Variants in PCLO observed in about 807,000 individuals in gnomAD.
The protein encoded by PCLO is protein piccolo.
PCLO carries 82 observed loss-of-function variants against 427.5 expected under a neutral mutation model. The observed-to-expected ratio is 0.19, with a 90% CI of 0.16 to 0.23. The LOEUF (loss-of-function observed/expected upper bound fraction) is 0.23. PCLO is among the 10% of genes least tolerant of loss of function. The pLI, the probability that PCLO is intolerant of heterozygous loss-of-function variation, is 1.00. For synonymous variants in PCLO, 2,357 were observed against 2,155.4 expected (o/e 1.09, Z -2.59); for missense variants, 6,239 against 6,115.9 (o/e 1.02, Z -0.67).
chr7:82,952,268 C>A lies in PCLO; in HGVS notation c.8685G>T (p.Gly2895=). 1 of 1,613,914 alleles carries A rather than the reference C, an allele frequency of 6.2e-7. No homozygotes were observed. The highest frequency in any genetic ancestry group is 1.7e-5 in the Admixed American group (1 of 60,014). Residue 2895 remains glycine (G), a synonymous_variant, in exon 5 of 25, where the codon GGG becomes GGT. Coordinates refer to ENST00000333891, the MANE Select transcript of PCLO (RefSeq NM_033026.6). ...TGGTTGTACTGAGATCCACTACTTC[C>A]CCATCAGTGATTCCCTGGGATACGG... ...DSTVSQGITD[G]EVVDLSTTKS... is the part of the protein sequence containing the mutation.
intron 3 of PCLO, among the ~76,000 whole-genome samples, chr7:83,064,795 A>C (rs10226405): frequency 0.78 from 117,810 of 151,744 alleles, 46,601 homozygotes; most frequent in African/African-American, 0.92. Flanking sequence ...CTTAGAACAT[A>C]GTGGACATTC....
chr7:83,112,634 T>C (rs1336892626), intron 3 of PCLO, among the ~76,000 whole-genome samples: 1 of 152,208 alleles, frequency 6.6e-6, no homozygotes, highest in African/African-American at 2.4e-5. Context: ...TTCCAAAGTA[T>C]ACTCATTTTA....
rs542857903 is a variant in PCLO at position 82,965,513 on chromosome 7, T to A, written c.4017+258A>T. Among the ~76,000 whole-genome samples the A allele has an allele frequency of 4.9e-4, 74 of 152,216 alleles. 2 individuals carry two copies. Among genetic ancestry groups the A allele is most frequent in the African/African-American group, 1.7e-3 (70 of 41,554 alleles). ...TAGATAACTTCTTTATCACTCCATA[T>A]GATTTTGATAGATTATTTGATAGGC... On this transcript the variant is annotated intron_variant, in intron 4 of 24. Coordinates refer to ENST00000333891, the MANE Select transcript of PCLO (RefSeq NM_033026.6).
chr7:83,012,623 A>T (rs1364675458), intron 3 of PCLO, among the ~76,000 whole-genome samples: 24 of 4,956 alleles, frequency 4.8e-3, no homozygotes, highest in East Asian at 0.12. Context: ...GTCTCAAGGA[A>T]AAAAAAAAAA....
intron 3 of PCLO, among the ~76,000 whole-genome samples, chr7:83,079,578 G>A (rs1321494760): frequency 6.6e-6 from 1 of 152,014 alleles, no homozygotes; most frequent in Non-Finnish European, 1.5e-5. Context: ...GCCTCATCCT[G>A]GGAAATTAAC....
chr7:83,115,978 ACACACACG>A (rs934296991), intron 3 of PCLO, among the ~76,000 whole-genome samples: 1 of 151,984 alleles, frequency 6.6e-6, no homozygotes, highest in African/African-American at 2.4e-5. Context: ...ATGCACACAC[ACACACACG>A]CACACATATA....
rs535270914 is a variant in PCLO, at chr7:83,090,500, A to G, written c.3300+43750T>C. 1.1e-4 allele frequency among the ~76,000 whole-genome samples: 16 copies of G among 152,288 alleles called. No homozygotes were observed. In the East Asian group the frequency reaches 3.1e-3, roughly 30 times the overall value. On this transcript the variant is annotated intron_variant, in intron 3 of 24. Coordinates refer to ENST00000333891, the MANE Select transcript of PCLO (RefSeq NM_033026.6). ...CACAAAGCATAATATACTCCAAATC[A>G]GGAGTCCTAAATAATCTGACTCCTT...
rs147641527 is a variant in PCLO at position 83,044,231 on chromosome 7, A to G, written c.3301-77744T>C. On this transcript the variant is annotated intron_variant, in intron 3 of 24. Coordinates refer to ENST00000333891, the MANE Select transcript of PCLO (RefSeq NM_033026.6). Reference sequence around the variant, plus strand: ...AGAACAACATGGGGGAACCGCCCCCATGATCCAATCACCTCCGTCCAGGTC... The same window carrying G: ...AGAACAACATGGGGGAACCGCCCCCGTGATCCAATCACCTCCGTCCAGGTC... Among the ~76,000 whole-genome samples the G allele has an allele frequency of 4.5e-3, 689 of 152,242 alleles. 2 individuals carry two copies. The highest frequency in any genetic ancestry group is 0.015 in the African/African-American group (626 of 41,552).
rs117544884 is a variant in PCLO at position 82,847,409 on chromosome 7, G to C, written c.13655-162C>G. Among the ~76,000 whole-genome samples the C allele has an allele frequency of 8.5e-4, 129 of 152,200 alleles. 1 individual carries two copies. In the East Asian group the frequency reaches 0.01, roughly 12 times the overall value. On this transcript the variant is annotated intron_variant, in intron 10 of 24. Coordinates refer to ENST00000333891, the MANE Select transcript of PCLO (RefSeq NM_033026.6). ...GCAACATTAATACCAAAACCATTAT[G>C]TAGTTTGATCTCATTAACTTACCTG...
At chr7:83,038,015 A>C (rs189808950) in intron 3 of PCLO, among the ~76,000 whole-genome samples, 2 of 47,916 alleles carry the variant, frequency 4.2e-5, no homozygotes, top group African/African-American at 1.5e-4. Context: ...ATATATATAT[A>C]TATATATATA....
intron 3 of PCLO, among the ~76,000 whole-genome samples, chr7:83,026,553 G>A (rs1467544832): frequency 2.0e-5 from 3 of 151,118 alleles, no homozygotes; most frequent in East Asian, 2.0e-4. Flanking sequence ...CAACGAGACA[G>A]AAAGTCAACA....
At chr7:83,031,755 TCTCACACACACACG>T (rs1234728612) in intron 3 of PCLO, among the ~76,000 whole-genome samples, 3 of 147,880 alleles carry the variant, frequency 2.0e-5, no homozygotes, top group Non-Finnish European at 4.5e-5. Context: ...CCTCTCTCTC[TCTCACACACACACG>T]CTCACACACA....
chr7:82,966,081 A>C lies in PCLO; in HGVS notation c.3707T>G (p.Leu1236Arg). The C allele has an allele frequency of 6.2e-7, 1 of 1,611,858 alleles. No individual in the cohort carries two copies. Among genetic ancestry groups the C allele is most frequent in the South Asian group, 1.1e-5 (1 of 90,620 alleles). ...TTCAGGGGTTGGCTTTTTTTCTTCTAGGAGTGGCTTTTTTTCTTCAGAACG... is the reference window on the plus strand; with the variant it reads ...TTCAGGGGTTGGCTTTTTTTCTTCTCGGAGTGGCTTTTTTTCTTCAGAACG... ...KIRSEEKKPL[L>R]EEKKPTPEDK... The change falls in exon 4 of 25, where the codon CTA (leucine) becomes CGA (arginine). Residue 1236 changes from leucine (L) to arginine (R), a missense_variant. Leu to Arg is a moderately radical substitution (Grantham distance 102). Transcript: ENST00000333891.
At chr7:82,849,770 T>C (rs1482451629) in intron 10 of PCLO, among the ~76,000 whole-genome samples, 1 of 152,100 alleles carries the variant, frequency 6.6e-6, no homozygotes, top group Non-Finnish European at 1.5e-5. Context: ...ATAATGTATC[T>C]TGTCATTTAA....
Position 83,135,249 on chromosome 7 carries a change from T to C in PCLO, c.2301A>G (p.Val767=), listed in dbSNP as rs535022595. 7 of 1,613,948 alleles carry C rather than the reference T, an allele frequency of 4.3e-6. No individual in the cohort carries two copies. In the South Asian group the frequency reaches 4.4e-5, roughly 10 times the overall value. The change falls in exon 3 of 25, where the codon GTA becomes GTG. Residue 767 remains valine (V), a synonymous_variant. Coordinates refer to ENST00000333891, the MANE Select transcript of PCLO (RefSeq NM_033026.6). The part of the protein sequence containing the change: ...PKMVKPTTDL[V]SSSSATTKPD... ...GTTTTGTTGTTGCTGATGATGAAGATACAAGGTCAGTGGTTGGCTTTACCA... is the reference window on the plus strand; with the variant it reads ...GTTTTGTTGTTGCTGATGATGAAGACACAAGGTCAGTGGTTGGCTTTACCA...
chr7:82,805,602 T>A, intron 21 of PCLO, 86 bp downstream of exon 21: 1 of 1,290,210 alleles, frequency 7.8e-7, no homozygotes, highest in East Asian at 2.5e-5. Context: ...ATTGGGTAAT[T>A]ATCCAGTTAT....
At chr7:82,966,582 G>A in intron 3 of PCLO, 95 bp from the exon 4 acceptor site, 1 of 654,618 alleles carries the variant, frequency 1.5e-6, no homozygotes, top group Non-Finnish European at 2.4e-6. Flanking sequence ...ATTCCTATCT[G>A]CTGTTTTTGT....
rs571172402 is a variant in PCLO at position 82,848,820 on chromosome 7, A to C, written c.13655-1573T>G. On this transcript the variant is annotated intron_variant, in intron 10 of 24. Coordinates refer to ENST00000333891, the MANE Select transcript of PCLO (RefSeq NM_033026.6). Reference sequence around the variant, plus strand: ...TAGTCAAATGGTAAAAGAATTCCATAAAAAGGCTCACAATAACACAAACAA... The same window carrying C: ...TAGTCAAATGGTAAAAGAATTCCATCAAAAGGCTCACAATAACACAAACAA... The C allele has an allele frequency of 3.4e-4, 99 of 293,824 alleles. 1 individual carries two copies. The highest frequency in any genetic ancestry group is 1.3e-3 in the Middle Eastern group (3 of 2,262). The allele number at this position is 293,824 out of a possible 1,614,324, so 18.2% of individuals were successfully genotyped here.
chr7:82,934,818 A>G (rs1319013409), intron 6 of PCLO, among the ~76,000 whole-genome samples: 2 of 151,706 alleles, frequency 1.3e-5, no homozygotes, highest in African/African-American at 4.8e-5. Flanking sequence ...ATATTTTTAT[A>G]TGATAGCACT....
Sources: allele counts gnomAD v4.1 joint callset (sites outside exome capture counted in the v4.1 genomes callset), GRCh38; gene constraint gnomAD v4.1.1; transcripts MANE v1.5; gene names NCBI Gene and HGNC (gene_info 2026-07-23, HGNC 2026-07-21).